The following NBAS variants were observed in gnomAD, a reference collection of about 807,000 sequenced individuals.
The protein encoded by NBAS is NAG/BC035112 fusion.
A neutral mutation model predicts 302.5 loss-of-function variants in NBAS; 219 were observed. The observed-to-expected ratio is 0.72, with a 90% confidence interval of 0.65 to 0.81. The LOEUF (loss-of-function observed/expected upper bound fraction) is 0.81. Ranked by LOEUF, NBAS falls within the 30% of genes least tolerant of loss-of-function variation. NBAS has a pLI of 0.00. For synonymous variants in NBAS, 1,118 were observed against 1,021.6 expected (o/e 1.09, Z -1.80); for missense variants, 2,932 against 2,841.6 (o/e 1.03, Z -0.72).
At chr2:15,454,599 T>C (rs768715424) in intron 21 of NBAS, among the ~76,000 whole-genome samples, 10 of 152,222 alleles carry the variant, frequency 6.6e-5, no homozygotes, top group Admixed American at 2.6e-4. Flanking sequence ...CAGGTGAACA[T>C]GGAAAACTGC....
At chr2:15,140,977 G>A in the NBAS span, among the ~76,000 whole-genome samples, 3 of 152,148 alleles carry the variant, frequency 2.0e-5, no homozygotes, top group Non-Finnish European at 4.4e-5. Context: ...TAGAGAAAAT[G>A]TATAGGATAC....
At chr2:14,833,073 A>G in the NBAS span, among the ~76,000 whole-genome samples, 84 of 152,334 alleles carry the variant, frequency 5.5e-4, 1 homozygote, top group African/African-American at 1.9e-3. Flanking sequence ...TCTTGTTTTG[A>G]GGCTTCAAAG....
the NBAS span, among the ~76,000 whole-genome samples, chr2:15,118,793 G>C: frequency 2.8e-3 from 432 of 152,302 alleles, 1 homozygote; most frequent in African/African-American, 9.8e-3. Context: ...ACATGGGACA[G>C]AGATGAGCCA....
chr2:15,433,446 A>C (rs1677858440), intron 21 of NBAS, among the ~76,000 whole-genome samples: 1 of 152,228 alleles, frequency 6.6e-6, no homozygotes, highest in Non-Finnish European at 1.5e-5. Flanking sequence ...AATACAAGAT[A>C]TATATGACTC....
the NBAS span, among the ~76,000 whole-genome samples, chr2:15,076,799 T>C: frequency 6.6e-6 from 1 of 152,220 alleles, no homozygotes; most frequent in East Asian, 1.9e-4. Flanking sequence ...CTCTTGCAAC[T>C]TCATTTCTTC....
At chr2:15,312,317 C>T (rs756397392) in intron 38 of NBAS, among the ~76,000 whole-genome samples, 5 of 152,082 alleles carry the variant, frequency 3.3e-5, no homozygotes, top group Admixed American at 6.5e-5. Flanking sequence ...GTCTATTGCC[C>T]AGGCTGTAGT....
chr2:15,152,335 G>T, the NBAS span, among the ~76,000 whole-genome samples: 4 of 152,232 alleles, frequency 2.6e-5, no homozygotes, highest in African/African-American at 4.8e-5. Context: ...AAATTGAGAT[G>T]CTGACCAAAA....
chr2:15,140,298 T>C, the NBAS span, among the ~76,000 whole-genome samples: 42 of 152,306 alleles, frequency 2.8e-4, no homozygotes, highest in African/African-American at 9.9e-4. Context: ...CCAGACAACA[T>C]GGAGCAGAAA....
chr2:15,445,218 C>A (rs1320565670), intron 21 of NBAS, among the ~76,000 whole-genome samples: 3 of 149,322 alleles, frequency 2.0e-5, no homozygotes, highest in Non-Finnish European at 4.4e-5. Context: ...ATGTTTATTG[C>A]GGCACTATTC....
chr2:14,895,053 T>C, the NBAS span, among the ~76,000 whole-genome samples: 2 of 151,876 alleles, frequency 1.3e-5, no homozygotes, highest in African/African-American at 2.4e-5. Context: ...AGACTCCAAC[T>C]CAAAAACAAA....
chr2:15,468,486 T>TTTCA lies in NBAS; in HGVS notation c.1772_1773insTGAA (p.Arg591SerfsTer5). 1 of 1,614,096 alleles carries TTTCA rather than the reference T, an allele frequency of 6.2e-7. No individual in the cohort carries two copies. Among genetic ancestry groups the TTTCA allele is most frequent in the Admixed American group, 1.7e-5 (1 of 60,010 alleles). ...TTGCAGCATCCACATTTTCAGGAAC[T>TTTCA]CTTTCCAAACACTCATGGAGAACCC... On this transcript the variant is annotated frameshift_variant, in exon 17 of 52. Coordinates refer to ENST00000281513, the MANE Select transcript of NBAS (RefSeq NM_015909.4). LOFTEE classifies it high-confidence loss of function.
the NBAS span, among the ~76,000 whole-genome samples, chr2:14,830,097 G>T: frequency 2.0e-5 from 3 of 152,160 alleles, no homozygotes; most frequent in Non-Finnish European, 4.4e-5. Flanking sequence ...CATTCTGAGT[G>T]TGTCAGCTTT....
the NBAS span, among the ~76,000 whole-genome samples, chr2:15,101,011 C>T: frequency 2.0e-5 from 3 of 152,150 alleles, no homozygotes; most frequent in African/African-American, 7.2e-5. Context: ...AATTTACTAG[C>T]CCTATTTCAA....
chr2:14,909,366 T>TAAAAAAAATA, the NBAS span, among the ~76,000 whole-genome samples: 1 of 78,582 alleles, frequency 1.3e-5, no homozygotes, highest in Non-Finnish European at 2.4e-5. Flanking sequence ...GGAGAGTTTC[T>TAAAAAAAATA]AAAAAAAAAA....
At chr2:15,304,919 G>C (rs1482672117) in intron 40 of NBAS, among the ~76,000 whole-genome samples, 1 of 152,190 alleles carries the variant, frequency 6.6e-6, no homozygotes, top group African/African-American at 2.4e-5. Context: ...AGCACAGTTA[G>C]TTCTAGGAAG....
the NBAS span, among the ~76,000 whole-genome samples, chr2:15,121,730 ATTT>A: frequency 2.0e-4 from 29 of 141,928 alleles, no homozygotes; most frequent in Non-Finnish European, 2.7e-4. Context: ...TACAAAAAAA[ATTT>A]TTTTTTTTTT....
intron 12 of NBAS, among the ~76,000 whole-genome samples, chr2:15,488,682 G>A (rs539567906): frequency 8.5e-5 from 13 of 152,054 alleles, no homozygotes; most frequent in Non-Finnish European, 1.8e-4. Context: ...TCTGTATACA[G>A]AGTGTACCAC....
At chr2:15,476,485 G>A (rs2148590015) in intron 13 of NBAS, among the ~76,000 whole-genome samples, 1 of 152,260 alleles carries the variant, frequency 6.6e-6, no homozygotes, top group East Asian at 1.9e-4. Context: ...CACTTTGGGA[G>A]GCTGAGGTGG....
chr2:14,899,152 G>A, the NBAS span, among the ~76,000 whole-genome samples: 1 of 152,182 alleles, frequency 6.6e-6, no homozygotes, highest in African/African-American at 2.4e-5. Context: ...GAAGCTTCCA[G>A]GTTTTCTTAA....
Sources: gnomAD v4.1 joint callset for allele counts (sites outside exome capture counted in the v4.1 genomes callset) on GRCh38, gnomAD v4.1.1 for gene constraint, MANE v1.5 for transcripts, NCBI Gene and HGNC (gene_info 2026-07-23, HGNC 2026-07-21) for gene names.